Variants in SPIDR observed in about 807,000 individuals in gnomAD.
SPIDR encodes the protein DNA repair-scaffolding protein.
A neutral mutation model predicts 104.6 loss-of-function variants in SPIDR; 93 were observed. The ratio of observed to expected loss-of-function variants is 0.89; its 90% CI spans 0.75 to 1.06. SPIDR has a LOEUF of 1.06. SPIDR is among the 50% of genes least tolerant of loss of function. SPIDR has a pLI of 0.00. For synonymous variants in SPIDR, 431 were observed against 416.9 expected (o/e 1.03, Z -0.41); for missense variants, 1,154 against 1,111.2 (o/e 1.04, Z -0.55).
At chr8:47,487,733 C>A (rs967167019) in intron 8 of SPIDR, among the ~76,000 whole-genome samples, 9 of 152,120 alleles carry the variant, frequency 5.9e-5, no homozygotes, top group African/African-American at 2.2e-4. Context: ...ATGGAAACTG[C>A]ACAACGTGCT....
intron 7 of SPIDR, among the ~76,000 whole-genome samples, chr8:47,433,261 G>A (rs1476318193): frequency 1.3e-5 from 2 of 152,018 alleles, no homozygotes; most frequent in South Asian, 2.1e-4. Flanking sequence ...CATCCATCCT[G>A]GATTGCTGCA....
At chr8:47,281,113 G>A (rs1378366288) in intron 2 of SPIDR, among the ~76,000 whole-genome samples, 1 of 152,174 alleles carries the variant, frequency 6.6e-6, no homozygotes, top group Non-Finnish European at 1.5e-5. Flanking sequence ...AGTCTGTTAA[G>A]TGCAATAGTA....
chr8:47,397,928 A>G (rs565525106), intron 6 of SPIDR, among the ~76,000 whole-genome samples: 76 of 152,286 alleles, frequency 5.0e-4, no homozygotes, highest in African/African-American at 1.6e-3. Flanking sequence ...ATCCTGGAGA[A>G]GAGGTAGGGA....
chr8:47,641,467 C>T (rs1039049451), intron 10 of SPIDR, among the ~76,000 whole-genome samples: 4 of 152,254 alleles, frequency 2.6e-5, no homozygotes, highest in South Asian at 4.1e-4. Flanking sequence ...AGATTCAATT[C>T]GATGCATTTA....
intron 10 of SPIDR, among the ~76,000 whole-genome samples, chr8:47,669,393 G>C (rs1392559939): frequency 1.3e-5 from 2 of 152,154 alleles, no homozygotes; most frequent in African/African-American, 2.4e-5. Context: ...GAACCAGGGG[G>C]GTGATGACTC....
intron 8 of SPIDR, among the ~76,000 whole-genome samples, chr8:47,468,546 G>T (rs1554718998): frequency 6.6e-6 from 1 of 152,012 alleles, no homozygotes; most frequent in Non-Finnish European, 1.5e-5. Context: ...CAAAAATAAG[G>T]CCGCACACCT....
chr8:47,463,237 C>T (rs948364187), intron 8 of SPIDR, among the ~76,000 whole-genome samples: 2 of 151,216 alleles, frequency 1.3e-5, no homozygotes, highest in Non-Finnish European at 2.9e-5. Context: ...GGTGGGCGCC[C>T]GTAGTTTCAG....
rs550948515 is a variant in SPIDR, at chr8:47,489,572, G to C, written c.1097+49030G>C. 1.4e-4 allele frequency among the ~76,000 whole-genome samples: 21 copies of C among 152,298 alleles called. No individual in the cohort carries two copies. The South Asian group carries it at 1.7e-3, about 12-fold the overall frequency. On this transcript the variant is annotated intron_variant, in intron 8 of 19. Coordinates refer to ENST00000297423, the MANE Select transcript of SPIDR (RefSeq NM_001080394.4). ...AATCTTAAGCCAAAAGAACAAAGCT[G>C]GAAGCATCACACTATTTGACTTTAA...
At chr8:47,654,182 A>G in intron 10 of SPIDR, 1 of 1,289,636 alleles carries the variant, frequency 7.8e-7, no homozygotes, top group Non-Finnish European at 1.0e-6. Flanking sequence ...TTCGATAAGA[A>G]GGAGCACTGT....
chr8:47,366,868 C>T (rs186978655), intron 5 of SPIDR, among the ~76,000 whole-genome samples: 52 of 152,290 alleles, frequency 3.4e-4, no homozygotes, highest in Non-Finnish European at 1.3e-4. Flanking sequence ...CTCAGAACTG[C>T]ATTTCTAATT....
chr8:47,406,519 G>A (rs2062778084), intron 6 of SPIDR, among the ~76,000 whole-genome samples: 1 of 152,176 alleles, frequency 6.6e-6, no homozygotes, highest in Admixed American at 6.6e-5. Context: ...CTGAGCATAA[G>A]AGGTTTTAAC....
chr8:47,620,945 A>G lies in SPIDR; in HGVS notation c.1544+21749A>G, dbSNP rs2065066604. 3.4e-5 allele frequency among the ~76,000 whole-genome samples: 5 copies of G among 147,674 alleles called. No homozygotes were observed. In the South Asian group the frequency reaches 6.4e-4, roughly 19 times the overall value. On this transcript the variant is annotated intron_variant, in intron 10 of 19. Transcript: ENST00000297423. ...TTTAAACCATTTTAAAGGGTATACAATTCTCACTGGGTTTTTGTTTTTGTT... is the reference window on the plus strand; with the variant it reads ...TTTAAACCATTTTAAAGGGTATACAGTTCTCACTGGGTTTTTGTTTTTGTT...
rs570658764 is a variant in SPIDR, at chr8:47,491,265, A to G, written c.1097+50723A>G. On this transcript the variant is annotated intron_variant, in intron 8 of 19. Transcript: ENST00000297423. ...TAGAATAAACACTGTCAGAATATATATTGAATTAAAAATGACTAAATATTT... is the reference window on the plus strand; with the variant it reads ...TAGAATAAACACTGTCAGAATATATGTTGAATTAAAAATGACTAAATATTT... Among the ~76,000 whole-genome samples, 24 of 152,286 alleles carry G rather than the reference A, an allele frequency of 1.6e-4. No individual in the cohort carries two copies. In the South Asian group the frequency reaches 4.1e-3, roughly 26 times the overall value.
chr8:47,497,506 A>G (rs774935162), intron 8 of SPIDR, among the ~76,000 whole-genome samples: 2 of 152,058 alleles, frequency 1.3e-5, no homozygotes, highest in Non-Finnish European at 2.9e-5. Context: ...ATCTTTGTGA[A>G]TTTTCCAAAT....
Position 47,727,287 on chromosome 8 carries a change from A to G in SPIDR, c.2429A>G (p.Glu810Gly). 6.2e-7 allele frequency: 1 copy of G among 1,613,978 alleles called. No individual in the cohort carries two copies. Among genetic ancestry groups the G allele is most frequent in the Non-Finnish European group, 8.5e-7 (1 of 1,179,936 alleles). The change falls in exon 17 of 20, where the codon GAA becomes GGA. Residue 810 changes from glutamate (E) to glycine (G), a missense_variant. Coordinates refer to ENST00000297423, the MANE Select transcript of SPIDR (RefSeq NM_001080394.4). ...CGNGRLEQRP[E>G]DRGAFSCGDC... is the part of the protein sequence containing the mutation. Reference sequence around the variant, plus strand: ...AACGGGAGATTGGAACAGAGGCCGGAAGACAGGTAAGGGGACAGGAGCTGT... The same window carrying G: ...AACGGGAGATTGGAACAGAGGCCGGGAGACAGGTAAGGGGACAGGAGCTGT...
intron 10 of SPIDR, among the ~76,000 whole-genome samples, chr8:47,602,050 A>C (rs1280710903): frequency 3.3e-5 from 5 of 152,264 alleles, no homozygotes; most frequent in Non-Finnish European, 5.9e-5. Flanking sequence ...AACTTAGAGA[A>C]TATATCTGCC....
intron 5 of SPIDR, among the ~76,000 whole-genome samples, chr8:47,327,568 T>C (rs1340780137): frequency 1.3e-5 from 2 of 152,028 alleles, no homozygotes; most frequent in African/African-American, 2.4e-5. Context: ...ACTTGGCTAA[T>C]TTTTTCCCCC....
chr8:47,446,115 C>T (rs970642769), intron 8 of SPIDR, among the ~76,000 whole-genome samples: 1 of 152,190 alleles, frequency 6.6e-6, no homozygotes, highest in Non-Finnish European at 1.5e-5. Flanking sequence ...AAGAAGATAT[C>T]ACCTAGGACT....
chr8:47,435,916 G>C (rs1470872944), intron 7 of SPIDR, among the ~76,000 whole-genome samples: 1 of 152,206 alleles, frequency 6.6e-6, no homozygotes, highest in East Asian at 1.9e-4. Context: ...GATTAGACCT[G>C]CCAGTCATCC....
Sources: gnomAD v4.1 joint callset for allele counts (sites outside exome capture counted in the v4.1 genomes callset) on GRCh38, gnomAD v4.1.1 for gene constraint, MANE v1.5 for transcripts, NCBI Gene and HGNC (gene_info 2026-07-23, HGNC 2026-07-21) for gene names.